IL1RAPL2: variants seen among roughly 807,000 people sequenced by gnomAD.
IL1RAPL2 encodes the protein interleukin 1 receptor accessory protein like 2.
Under a neutral mutation model 44.1 loss-of-function variants are expected in IL1RAPL2, and 3 were observed. The observed-to-expected ratio is 0.07, with a 90% confidence interval of 0.03 to 0.18. The LOEUF (loss-of-function observed/expected upper bound fraction) is 0.18. Ranked by LOEUF, IL1RAPL2 falls within the 10% of genes least tolerant of loss-of-function variation. The probability of loss-of-function intolerance (pLI) is 1.00; values close to 1 mark genes in which losing one functional copy is unlikely to be tolerated. For missense variants in IL1RAPL2, 391 were observed against 496.4 expected (o/e 0.79, Z 2.02); for synonymous variants, 181 against 178.8 (o/e 1.01, Z -0.10).
At chrX:105,477,691 T>C (rs767418356) in intron 5 of IL1RAPL2, among the ~76,000 whole-genome samples, 136 of 111,999 alleles carry the variant, frequency 1.2e-3, no homozygotes, top group Non-Finnish European at 1.4e-3. Flanking sequence ...CATTTTGTCT[T>C]CTCACATGAA....
At chrX:105,268,385 T>G (rs1021315281) in intron 5 of IL1RAPL2, among the ~76,000 whole-genome samples, 1 of 108,011 alleles carries the variant, frequency 9.3e-6, no homozygotes. Flanking sequence ...GAATAAGGAG[T>G]GTAGGTCAAA....
At chrX:105,348,600 G>T (rs1029042305) in intron 5 of IL1RAPL2, among the ~76,000 whole-genome samples, 1 of 111,303 alleles carries the variant, frequency 9.0e-6, no homozygotes, top group Non-Finnish European at 1.9e-5. Flanking sequence ...GTTATGAAAC[G>T]CCAGGGGTTC....
chrX:104,880,073 CA>C (rs1431779563), intron 2 of IL1RAPL2, among the ~76,000 whole-genome samples: 2 of 84,341 alleles, frequency 2.4e-5, no homozygotes, highest in African/African-American at 7.8e-5. Context: ...ATCTGTTTTG[CA>C]ATTTTTTTTT....
At chrX:104,899,399 A>G (rs1923748590) in intron 2 of IL1RAPL2, among the ~76,000 whole-genome samples, 1 of 111,965 alleles carries the variant, frequency 8.9e-6, no homozygotes, top group South Asian at 3.7e-4. Flanking sequence ...AAACTCAAAA[A>G]GTTGTTTTCC....
At chrX:104,718,867 C>A (rs751999569) in intron 2 of IL1RAPL2, among the ~76,000 whole-genome samples, 3 of 111,588 alleles carry the variant, frequency 2.7e-5, no homozygotes, top group Non-Finnish European at 5.7e-5. Context: ...GTTTTGTAGG[C>A]CATACAGTCT....
intron 2 of IL1RAPL2, among the ~76,000 whole-genome samples, chrX:104,868,906 C>T (rs1922686248): frequency 8.9e-6 from 1 of 111,983 alleles, no homozygotes; most frequent in Non-Finnish European, 1.9e-5. Flanking sequence ...CATTTTCTTC[C>T]CCTTTCGTGT....
chrX:105,634,457 C>A (rs1332749337), intron 6 of IL1RAPL2, among the ~76,000 whole-genome samples: 1 of 110,590 alleles, frequency 9.0e-6, no homozygotes, highest in African/African-American at 3.3e-5. Context: ...TCCTTGGGAA[C>A]CAAATAAAAA....
At chrX:105,269,761 C>T (rs1378079037) in intron 5 of IL1RAPL2, among the ~76,000 whole-genome samples, 2 of 111,764 alleles carry the variant, frequency 1.8e-5, no homozygotes, top group African/African-American at 6.5e-5. Flanking sequence ...TTATGAGAGG[C>T]TTGCAGAGCA....
At chrX:105,464,429 A>G (rs1262479474) in intron 5 of IL1RAPL2, among the ~76,000 whole-genome samples, 1 of 111,759 alleles carries the variant, frequency 8.9e-6, no homozygotes, top group African/African-American at 3.3e-5. Flanking sequence ...AAGTGAAACA[A>G]CATAGAATGA....
chrX:105,475,782 G>T (rs1013661242), intron 5 of IL1RAPL2, among the ~76,000 whole-genome samples: 1 of 111,486 alleles, frequency 9.0e-6, no homozygotes, highest in African/African-American at 3.3e-5. Flanking sequence ...GTTGCTTTAT[G>T]TCTGGGCAGA....
chrX:104,668,515 G>A (rs1254618428), intron 2 of IL1RAPL2, among the ~76,000 whole-genome samples: 5 of 84,431 alleles, frequency 5.9e-5, no homozygotes, highest in Admixed American at 5.0e-4. Context: ...TGTGATGCTC[G>A]TGTTTCTGTT....
intron 1 of IL1RAPL2, among the ~76,000 whole-genome samples, chrX:104,640,435 C>A (rs1484435312): frequency 1.8e-5 from 2 of 111,332 alleles, no homozygotes; most frequent in East Asian, 5.6e-4. Context: ...TGTATTGTAC[C>A]TCACTAAGCT....
chrX:104,908,893 C>G (rs899883530), intron 2 of IL1RAPL2, among the ~76,000 whole-genome samples: 1 of 111,062 alleles, frequency 9.0e-6, no homozygotes, highest in Non-Finnish European at 1.9e-5. Flanking sequence ...GTTGGCCTGC[C>G]TTGCTAGATT....
At chrX:105,298,037 A>G (rs768482682) in intron 5 of IL1RAPL2, among the ~76,000 whole-genome samples, 2 of 110,959 alleles carry the variant, frequency 1.8e-5, no homozygotes, top group Non-Finnish European at 3.8e-5. Flanking sequence ...GTTTATATAT[A>G]TGTGTGTGTA....
chrX:105,058,262 A>T (rs2032024627), intron 2 of IL1RAPL2, among the ~76,000 whole-genome samples: 1 of 110,509 alleles, frequency 9.0e-6, no homozygotes, highest in Non-Finnish European at 1.9e-5. Flanking sequence ...AATTTTTTGT[A>T]TTTAGTAGAG....
chrX:104,957,107 A>G (rs1209891485), intron 2 of IL1RAPL2, among the ~76,000 whole-genome samples: 1 of 112,356 alleles, frequency 8.9e-6, no homozygotes, highest in Non-Finnish European at 1.9e-5. Flanking sequence ...AGATATGACA[A>G]TAGTAAAAAC....
At chrX:104,816,862 G>A (rs1023673733) in intron 2 of IL1RAPL2, among the ~76,000 whole-genome samples, 2 of 112,328 alleles carry the variant, frequency 1.8e-5, no homozygotes, top group African/African-American at 6.5e-5. Flanking sequence ...GCATCACAGG[G>A]AGATTTTCAT....
chrX:105,547,768 T>A (rs898419985), intron 6 of IL1RAPL2, among the ~76,000 whole-genome samples: 12 of 112,503 alleles, frequency 1.1e-4, no homozygotes, highest in African/African-American at 3.6e-4. Flanking sequence ...GTGCACATAC[T>A]TTGTAAGTCT....
At chrX:104,668,483 C>A (rs761031885) in intron 2 of IL1RAPL2, among the ~76,000 whole-genome samples, 52 of 82,958 alleles carry the variant, frequency 6.3e-4, no homozygotes, top group African/African-American at 2.2e-3. Flanking sequence ...CCCCTCCCCC[C>A]ACCGCACAAC....
Sources: gnomAD v4.1 joint callset for allele counts (sites outside exome capture counted in the v4.1 genomes callset) on GRCh38, gnomAD v4.1.1 for gene constraint, MANE v1.5 for transcripts, NCBI Gene and HGNC (gene_info 2026-07-23, HGNC 2026-07-21) for gene names.